SPAG9: variants seen among roughly 807,000 people sequenced by gnomAD.
SPAG9 encodes the protein C-Jun-amino-terminal kinase-interacting protein 4.
In SPAG9, 35 loss-of-function variants were observed where a neutral mutation model predicts 166.5. The ratio of observed to expected loss-of-function variants is 0.21; its 90% confidence interval spans 0.16 to 0.28. The LOEUF (loss-of-function observed/expected upper bound fraction) is 0.28. Among genes scored for constraint, SPAG9 ranks in the 10% least tolerant of loss-of-function variants. The probability of loss-of-function intolerance (pLI) is 1.00; values close to 1 mark genes in which losing one functional copy is unlikely to be tolerated. For missense variants in SPAG9, 1,235 were observed against 1,603.3 expected, an observed-to-expected ratio of 0.77 and a Z score of 3.92; for synonymous variants, 534 against 565.5, an observed-to-expected ratio of 0.94 and a Z score of 0.79.
chr17:51,066,708 A>G (rs1353371286), intron 2 of SPAG9, among the ~76,000 whole-genome samples: 1 of 151,920 alleles, frequency 6.6e-6, no homozygotes, highest in African/African-American at 2.4e-5. Flanking sequence ...CCTGGCCAAC[A>G]TGGTGAAACC....
intron 14 of SPAG9, among the ~76,000 whole-genome samples, chr17:50,998,825 C>T (rs150015197): frequency 3.3e-5 from 5 of 152,352 alleles, no homozygotes; most frequent in African/African-American, 1.2e-4. Context: ...GAAACTATTG[C>T]TTAGAATGGC....
At chr17:50,970,196 T>C (rs1973673734) in intron 29 of SPAG9, among the ~76,000 whole-genome samples, 1 of 152,192 alleles carries the variant, frequency 6.6e-6, no homozygotes, top group Non-Finnish European at 1.5e-5. Flanking sequence ...CTAATGCTCC[T>C]TTCAAACAAA....
chr17:51,069,601 TTAAA>T (rs1250477886), intron 2 of SPAG9, among the ~76,000 whole-genome samples: 3 of 152,124 alleles, frequency 2.0e-5, no homozygotes, highest in Non-Finnish European at 4.4e-5. Context: ...ATTTAATTAA[TTAAA>T]TAAAATTTAA....
Position 51,020,261 on chromosome 17 carries a change from T to C in SPAG9, c.992-3A>G. 1 of 1,596,752 alleles carries C rather than the reference T, an allele frequency of 6.3e-7. No homozygotes were observed. The highest frequency in any genetic ancestry group is 8.6e-7 in the Non-Finnish European group (1 of 1,164,582). On this transcript the variant is annotated splice_polypyrimidine_tract_variant and splice_region_variant and intron_variant, in intron 7 of 29. Transcript: ENST00000262013. ...CTTTTCTTCATTTTCAGCAGAGCCT[T>C]AAAAAAGGACATGATGAAATAAACA...
chr17:51,092,376 T>C (rs1287682771), intron 1 of SPAG9, among the ~76,000 whole-genome samples: 2 of 152,022 alleles, frequency 1.3e-5, no homozygotes, highest in Non-Finnish European at 2.9e-5. Context: ...ACTTGAGACA[T>C]ATTGAACCAA....
intron 18 of SPAG9, 81 bp from the exon 19 acceptor site, chr17:50,994,016 G>A (rs951018889): frequency 7.4e-6 from 9 of 1,221,720 alleles, no homozygotes; most frequent in African/African-American, 3.0e-5. Context: ...ACAGTAAAAG[G>A]CAATACTATT....
chr17:51,033,390 C>A (rs1194195615), intron 5 of SPAG9, among the ~76,000 whole-genome samples: 2 of 151,170 alleles, frequency 1.3e-5, no homozygotes, highest in Admixed American at 1.3e-4. Flanking sequence ...CTATGTGCAC[C>A]TGTAAAGAAA....
At chr17:51,053,889 A>AG (rs1485299903) in intron 3 of SPAG9, among the ~76,000 whole-genome samples, 4 of 116,070 alleles carry the variant, frequency 3.4e-5, no homozygotes, top group Non-Finnish European at 7.1e-5. Flanking sequence ...ATATATATAT[A>AG]TATATATATA....
intron 1 of SPAG9, among the ~76,000 whole-genome samples, chr17:51,113,861 G>A (rs766449366): frequency 2.0e-5 from 3 of 151,190 alleles, no homozygotes; most frequent in Non-Finnish European, 2.9e-5. Context: ...CAGGCATGGC[G>A]GCATGATCCT....
chr17:51,082,494 T>G (rs1302354418), intron 1 of SPAG9, among the ~76,000 whole-genome samples: 1 of 152,108 alleles, frequency 6.6e-6, no homozygotes, highest in East Asian at 1.9e-4. Context: ...TAATTAATGT[T>G]ACTTATTACT....
chr17:51,051,704 A>T (rs1214222553), intron 3 of SPAG9, among the ~76,000 whole-genome samples: 1 of 152,158 alleles, frequency 6.6e-6, no homozygotes, highest in Non-Finnish European at 1.5e-5. Context: ...TGGGCAACAC[A>T]ACGAGACTCC....
At chr17:50,984,191 A>G (rs533431996) in intron 24 of SPAG9, among the ~76,000 whole-genome samples, 3 of 152,304 alleles carry the variant, frequency 2.0e-5, no homozygotes, top group African/African-American at 7.2e-5. Flanking sequence ...TCTATAGATG[A>G]AACAATGGTT....
intron 3 of SPAG9, among the ~76,000 whole-genome samples, chr17:51,056,164 T>C (rs2047357509): frequency 6.6e-6 from 1 of 152,214 alleles, no homozygotes; most frequent in East Asian, 1.9e-4. Context: ...AGAAGTACTA[T>C]AGCTGCCTTA....
intron 2 of SPAG9, among the ~76,000 whole-genome samples, chr17:51,070,479 C>T (rs958953573): frequency 6.6e-5 from 10 of 151,972 alleles, no homozygotes; most frequent in African/African-American, 2.4e-4. Context: ...AGAAAACTAC[C>T]AATAGAAGGG....
At chr17:51,111,660 T>C (rs924442227) in intron 1 of SPAG9, among the ~76,000 whole-genome samples, 2 of 152,158 alleles carry the variant, frequency 1.3e-5, no homozygotes, top group Admixed American at 1.3e-4. Flanking sequence ...TGGAGTTCAA[T>C]GGCAAGATAT....
chr17:50,996,613 G>A lies in SPAG9; in HGVS notation c.1920C>T (p.Asp640=), dbSNP rs572825056. 2.9e-5 allele frequency: 47 copies of A among 1,614,062 alleles called. 1 individual carries two copies. The South Asian group carries it at 3.3e-4, about 11-fold the overall frequency. Residue 640 remains aspartate, a synonymous_variant, in exon 16 of 30, where the codon GAC becomes GAT. Coordinates refer to ENST00000262013, the MANE Select transcript of SPAG9 (RefSeq NM_001130528.3). ...TCCAGCCAAAAGCCTGCACTCTACC[G>A]TCTTCCTTCTGAACATGTGCTTTTA... ...RQVKAHVQKE[D]GRVQAFGWSL... is the part of the protein sequence containing the mutation.
intron 9 of SPAG9, among the ~76,000 whole-genome samples, chr17:51,013,501 G>A (rs1276412058): frequency 6.6e-6 from 1 of 152,188 alleles, no homozygotes. Context: ...GTAAATGGTG[G>A]TGTCTGTGTT....
chr17:51,086,855 G>A (rs2048320843), intron 1 of SPAG9, among the ~76,000 whole-genome samples: 1 of 152,216 alleles, frequency 6.6e-6, no homozygotes, highest in African/African-American at 2.4e-5. Context: ...CCAGGCGGCA[G>A]AAGTTGTAGT....
At chr17:51,087,615 T>C (rs1291851512) in intron 1 of SPAG9, among the ~76,000 whole-genome samples, 1 of 152,226 alleles carries the variant, frequency 6.6e-6, no homozygotes, top group Non-Finnish European at 1.5e-5. Flanking sequence ...TCTGCTTCCC[T>C]TCTACATTCA....
Sources: gnomAD v4.1 joint callset for allele counts (sites outside exome capture counted in the v4.1 genomes callset) on GRCh38, gnomAD v4.1.1 for gene constraint, MANE v1.5 for transcripts, NCBI Gene and HGNC (gene_info 2026-07-23, HGNC 2026-07-21) for gene names.